The following GALNT13 variants were observed in gnomAD, a reference collection of about 807,000 sequenced individuals.
The protein encoded by GALNT13 is UDP-GalNAc:polypeptide N-acetylgalactosaminyltransferase 13.
Under a neutral mutation model 64.2 loss-of-function variants are expected in GALNT13, and 28 were observed. The ratio of observed to expected loss-of-function variants is 0.44; its 90% confidence interval spans 0.32 to 0.60. GALNT13 has a LOEUF of 0.60. Among genes scored for constraint, GALNT13 ranks in the 20% least tolerant of loss-of-function variants. The pLI, the probability that GALNT13 is intolerant of heterozygous loss-of-function variation, is 0.05. For missense variants in GALNT13, 577 were observed against 669.8 expected, an observed-to-expected ratio of 0.86 and a Z score of 1.53; for synonymous variants, 214 against 224.6, an observed-to-expected ratio of 0.95 and a Z score of 0.42.
chr2:154,010,759 T>A (rs866681629), intron 3 of GALNT13, among the ~76,000 whole-genome samples: 2 of 152,154 alleles, frequency 1.3e-5, no homozygotes, highest in Admixed American at 6.5e-5. Flanking sequence ...CTCATTTATT[T>A]TTGATATTTA....
chr2:153,210,772 T>C, the GALNT13 span, among the ~76,000 whole-genome samples: 3 of 152,208 alleles, frequency 2.0e-5, no homozygotes, highest in African/African-American at 7.2e-5. Flanking sequence ...TGCATAATTG[T>C]GGCCAAAATT....
At chr2:154,441,047 C>G (rs1701267900) in intron 12 of GALNT13, among the ~76,000 whole-genome samples, 1 of 152,106 alleles carries the variant, frequency 6.6e-6, no homozygotes, top group African/African-American at 2.4e-5. Flanking sequence ...AATGCAGGAT[C>G]CGAACCCATG....
At chr2:153,245,404 G>T in the GALNT13 span, among the ~76,000 whole-genome samples, 4 of 152,304 alleles carry the variant, frequency 2.6e-5, no homozygotes, top group African/African-American at 9.6e-5. Context: ...CTGCCGTCAG[G>T]CTGGTGCCCC....
chr2:153,295,467 T>C, the GALNT13 span, among the ~76,000 whole-genome samples: 1 of 151,148 alleles, frequency 6.6e-6, no homozygotes, highest in Non-Finnish European at 1.5e-5. Context: ...TACCCTGAAC[T>C]TGTCTTTCTT....
the GALNT13 span, among the ~76,000 whole-genome samples, chr2:153,523,628 G>C: frequency 3.3e-5 from 5 of 152,280 alleles, no homozygotes; most frequent in African/African-American, 1.2e-4. Flanking sequence ...ATTGCTGGTA[G>C]AGGGGAACGT....
At chr2:154,137,534 T>A (rs915026086) in intron 3 of GALNT13, among the ~76,000 whole-genome samples, 3 of 152,154 alleles carry the variant, frequency 2.0e-5, no homozygotes, top group Admixed American at 6.6e-5. Context: ...TTTCATTGAT[T>A]ATGATACCAA....
intron 3 of GALNT13, among the ~76,000 whole-genome samples, chr2:154,028,923 G>T (rs1272745670): frequency 6.6e-6 from 1 of 151,942 alleles, no homozygotes; most frequent in Non-Finnish European, 1.5e-5. Context: ...GAGAACTAAG[G>T]TCGTAGGGCA....
At chr2:153,599,757 G>A in the GALNT13 span, among the ~76,000 whole-genome samples, 1 of 151,950 alleles carries the variant, frequency 6.6e-6, no homozygotes, top group Non-Finnish European at 1.5e-5. Flanking sequence ...ACATTATTGT[G>A]ATTCTGTTGT....
At chr2:153,314,009 G>C in the GALNT13 span, among the ~76,000 whole-genome samples, 1 of 152,182 alleles carries the variant, frequency 6.6e-6, no homozygotes, top group South Asian at 2.1e-4. Flanking sequence ...ATAGAGGCAA[G>C]TATTATAGCA....
the GALNT13 span, among the ~76,000 whole-genome samples, chr2:153,433,821 C>CT: frequency 5.9e-5 from 9 of 151,752 alleles, no homozygotes; most frequent in South Asian, 1.5e-3. Context: ...GTTACTTATA[C>CT]TTTTTTTTAA....
At chr2:153,455,065 T>C in the GALNT13 span, among the ~76,000 whole-genome samples, 1 of 152,138 alleles carries the variant, frequency 6.6e-6, no homozygotes, top group Non-Finnish European at 1.5e-5. Context: ...AGTGAATAAG[T>C]GTTTACATTG....
intron 3 of GALNT13, among the ~76,000 whole-genome samples, chr2:153,974,468 C>A (rs550572977): frequency 2.3e-4 from 35 of 152,054 alleles, no homozygotes; most frequent in Non-Finnish European, 4.3e-4. Flanking sequence ...CAGTAAATAT[C>A]TATTGAGTGT....
chr2:153,172,269 C>G, the GALNT13 span, among the ~76,000 whole-genome samples: 5 of 151,824 alleles, frequency 3.3e-5, no homozygotes, highest in Non-Finnish European at 5.9e-5. Flanking sequence ...ATAGAGGGAG[C>G]CTTGGTGTAG....
At chr2:153,284,274 C>T in the GALNT13 span, among the ~76,000 whole-genome samples, 461 of 152,204 alleles carry the variant, frequency 3.0e-3, 2 homozygotes, top group African/African-American at 0.011. Flanking sequence ...CAGGAGAAAC[C>T]GCAGATCTCT....
In GALNT13 at chr2:154,081,831, G is replaced by C. The variant is rs1023308581; in HGVS notation, c.143-58506G>C. On this transcript the variant is annotated intron_variant, in intron 3 of 12. Coordinates refer to ENST00000392825, the MANE Select transcript of GALNT13 (RefSeq NM_052917.4). ...CTTGAAGTAGCCTCAATCTTTAATG[G>C]ACATTTGTGGTGAAACCACAATAAA... Among the ~76,000 whole-genome samples the C allele has an allele frequency of 2.6e-5, 4 of 151,700 alleles. No homozygotes were observed. In the East Asian group the frequency reaches 7.8e-4, roughly 29 times the overall value.
At chr2:153,546,497 A>G in the GALNT13 span, among the ~76,000 whole-genome samples, 2 of 152,196 alleles carry the variant, frequency 1.3e-5, no homozygotes, top group African/African-American at 4.8e-5. Flanking sequence ...GTAAAATTTT[A>G]TGAAAGGATT....
At chr2:153,868,239 A>G (rs1458985475), upstream of GALNT13, among the ~76,000 whole-genome samples, 1 of 152,066 alleles carries the variant, frequency 6.6e-6, no homozygotes, top group Non-Finnish European at 1.5e-5. Flanking sequence ...CTGAACCCTA[A>G]GTTTTGTGCA....
the GALNT13 span, among the ~76,000 whole-genome samples, chr2:153,599,808 A>G: frequency 2.6e-5 from 4 of 151,946 alleles, no homozygotes; most frequent in Non-Finnish European, 4.4e-5. Context: ...AACATAATTT[A>G]TGCATCTCCT....
At chr2:154,237,725 C>G (rs900948003) in intron 4 of GALNT13, among the ~76,000 whole-genome samples, 2 of 151,498 alleles carry the variant, frequency 1.3e-5, no homozygotes, top group Admixed American at 1.3e-4. Flanking sequence ...GTTTTTCAAA[C>G]ATGGTCACAG....
Sources: allele counts gnomAD v4.1 joint callset (sites outside exome capture counted in the v4.1 genomes callset), GRCh38; gene constraint gnomAD v4.1.1; transcripts MANE v1.5; gene names NCBI Gene and HGNC (gene_info 2026-07-23, HGNC 2026-07-21).